CHODL: variants seen among roughly 807,000 people sequenced by gnomAD.
The protein encoded by CHODL is transmembrane protein MT75.
A neutral mutation model predicts 34.5 loss-of-function variants in CHODL; 29 were observed. The observed-to-expected ratio is 0.84, with a 90% CI of 0.63 to 1.15. The LOEUF (loss-of-function observed/expected upper bound fraction) is 1.15, where lower values mean the gene tolerates loss of function less well. Ranked by LOEUF, CHODL falls within the 50% of genes most tolerant of loss-of-function variation. CHODL has a pLI of 0.00. For missense variants in CHODL, 332 were observed against 332.5 expected (o/e 1.00, Z 0.01); for synonymous variants, 125 against 116.1 (o/e 1.08, Z -0.49).
In CHODL at chr21:17,938,659, T is replaced by C. The variant is rs982906720; in HGVS notation, c.-145+21259T>C. On this transcript the variant is annotated intron_variant, in intron 1 of 6. Coordinates refer to the CHODL transcript ENST00000400127. ...GCGCCTGGCTAATGTTTTGTATTTT[T>C]AGTAGAGACGGGGTTTCACGGTGTT... Among the ~76,000 whole-genome samples, 42 of 152,026 alleles carry C rather than the reference T, an allele frequency of 2.8e-4. 1 individual carries two copies. The highest frequency in any genetic ancestry group is 4.6e-4 in the Non-Finnish European group (31 of 67,990).
At chr21:18,097,664 A>G (rs1884804671) in intron 2 of CHODL, among the ~76,000 whole-genome samples, 1 of 152,138 alleles carries the variant, frequency 6.6e-6, no homozygotes, top group African/African-American at 2.4e-5. Context: ...TACAGAGTCA[A>G]TGCAATCTCC....
rs149274183 is a variant in CHODL at position 18,023,212 on chromosome 21, G to A, written c.-144-4660G>A. Among the ~76,000 whole-genome samples, 7 of 152,260 alleles carry A rather than the reference G, an allele frequency of 4.6e-5. No individual in the cohort carries two copies. The East Asian group carries it at 1.4e-3, about 30-fold the overall frequency. ...TAGCTGTAGCAACTGGCTGACACTA[G>A]CTGGGGATAAGGGGGTGGGGACTGG... On this transcript the variant is annotated intron_variant, in intron 1 of 6. Coordinates refer to the CHODL transcript ENST00000400127.
chr21:18,048,965 GA>G (rs1268991673), intron 2 of CHODL, among the ~76,000 whole-genome samples: 1 of 151,824 alleles, frequency 6.6e-6, no homozygotes, highest in Non-Finnish European at 1.5e-5. Flanking sequence ...ATGATTTTCA[GA>G]TGACACTAAA....
At chr21:17,973,351 G>C (rs1396957077) in intron 1 of CHODL, among the ~76,000 whole-genome samples, 1 of 151,520 alleles carries the variant, frequency 6.6e-6, no homozygotes, top group Non-Finnish European at 1.5e-5. Context: ...AGAGTGAACA[G>C]GAAACCTACA....
At chr21:18,050,986 T>A (rs1178142014) in intron 2 of CHODL, among the ~76,000 whole-genome samples, 1 of 151,858 alleles carries the variant, frequency 6.6e-6, no homozygotes, top group East Asian at 1.9e-4. Context: ...CGTGTAGGTT[T>A]GTTACATAGG....
chr21:18,241,660 G>A (rs185115235), upstream of CHODL, among the ~76,000 whole-genome samples: 79 of 152,246 alleles, frequency 5.2e-4, no homozygotes, highest in African/African-American at 1.8e-3. Context: ...ATTGATGGGC[G>A]CATGAAGCAG....
At chr21:18,105,114 C>G (rs1491769) in intron 2 of CHODL, among the ~76,000 whole-genome samples, 73,491 of 152,104 alleles carry the variant, frequency 0.48, 18,672 homozygotes, top group African/African-American at 0.57. Context: ...AACTAGAGTA[C>G]ACCCATGAGA....
chr21:18,156,581 G>A (rs150638764), intron 2 of CHODL, among the ~76,000 whole-genome samples: 3,339 of 152,144 alleles, frequency 0.022, 53 homozygotes, highest in Non-Finnish European at 0.032. Context: ...GGGTCAATAC[G>A]GTATCAATGA....
intron 1 of CHODL, among the ~76,000 whole-genome samples, chr21:17,924,804 A>G (rs2063210421): frequency 6.6e-6 from 1 of 152,188 alleles, no homozygotes; most frequent in Admixed American, 6.5e-5. Flanking sequence ...GTACATTGTC[A>G]TCATATCCAC....
intron 2 of CHODL, among the ~76,000 whole-genome samples, chr21:18,205,687 A>G (rs968186182): frequency 3.9e-4 from 59 of 151,658 alleles, no homozygotes; most frequent in African/African-American, 1.4e-3. Flanking sequence ...AGAATTTTTA[A>G]AATTTCTCTC....
At chr21:18,255,462 G>C (rs369162771) in intron 1 of CHODL, among the ~76,000 whole-genome samples, 40 of 152,166 alleles carry the variant, frequency 2.6e-4, no homozygotes, top group East Asian at 2.1e-3. Flanking sequence ...AGCCTCTAAA[G>C]CTGAGAGAAA....
chr21:17,944,418 C>G (rs1205577773), intron 1 of CHODL, among the ~76,000 whole-genome samples: 1 of 152,148 alleles, frequency 6.6e-6, no homozygotes, highest in South Asian at 2.1e-4. Flanking sequence ...AACAGCTAGT[C>G]CTGCTTGATC....
At chr21:17,968,521 C>A (rs1298401627) in intron 1 of CHODL, among the ~76,000 whole-genome samples, 1 of 152,154 alleles carries the variant, frequency 6.6e-6, no homozygotes, top group African/African-American at 2.4e-5. Context: ...CTTATTTCCC[C>A]CTTTAATTAG....
intron 2 of CHODL, among the ~76,000 whole-genome samples, chr21:18,205,636 C>A (rs1018532522): frequency 6.6e-5 from 10 of 151,934 alleles, no homozygotes; most frequent in African/African-American, 2.4e-4. Flanking sequence ...TTACTATATC[C>A]CATCATTTTT....
intron 1 of CHODL, among the ~76,000 whole-genome samples, chr21:17,948,340 GAAGA>G (rs1018447095): frequency 3.3e-5 from 5 of 151,288 alleles, no homozygotes; most frequent in African/African-American, 1.2e-4. Context: ...TATGTTAAAA[GAAGA>G]AAGATCTTAA....
chr21:18,063,397 C>A (rs567184562), intron 2 of CHODL, among the ~76,000 whole-genome samples: 1 of 152,084 alleles, frequency 6.6e-6, no homozygotes, highest in African/African-American at 2.4e-5. Context: ...TCATTTATTA[C>A]TGAGGACATA....
intron 1 of CHODL, among the ~76,000 whole-genome samples, chr21:17,973,711 C>T (rs1361185694): frequency 1.4e-4 from 21 of 151,612 alleles, no homozygotes; most frequent in Admixed American, 8.5e-4. Flanking sequence ...TGAGCCACCG[C>T]GCCCAGACTG....
At chr21:18,208,547 G>T (rs62213377) in intron 2 of CHODL, among the ~76,000 whole-genome samples, 1 of 152,010 alleles carries the variant, frequency 6.6e-6, no homozygotes, top group Admixed American at 6.6e-5. Context: ...GCTTGTGAAT[G>T]TTTGTCGGTG....
At chr21:18,230,864 C>T (rs1378890225) in intron 2 of CHODL, among the ~76,000 whole-genome samples, 1 of 152,054 alleles carries the variant, frequency 6.6e-6, no homozygotes, top group African/African-American at 2.4e-5. Flanking sequence ...ATGACTTTCT[C>T]AAAAGATGAT....
Sources: gnomAD v4.1 joint callset for allele counts (sites outside exome capture counted in the v4.1 genomes callset) on GRCh38, gnomAD v4.1.1 for gene constraint, MANE v1.5 for transcripts, NCBI Gene and HGNC (gene_info 2026-07-23, HGNC 2026-07-21) for gene names.